GPCPD1: variants seen among roughly 807,000 people sequenced by gnomAD.
GPCPD1 encodes the protein glycerophosphocholine phosphodiesterase 1.
In GPCPD1, 29 loss-of-function variants were observed where a neutral mutation model predicts 89.2. The ratio of observed to expected loss-of-function variants is 0.33; its 90% CI spans 0.24 to 0.44. The LOEUF (loss-of-function observed/expected upper bound fraction) is 0.44, where lower values mean the gene tolerates loss of function less well. Among genes scored for constraint, GPCPD1 ranks in the 20% least tolerant of loss-of-function variants. GPCPD1 has a pLI of 1.00. For missense variants in GPCPD1, 594 were observed against 808.9 expected, an observed-to-expected ratio of 0.73 and a Z score of 3.22; for synonymous variants, 258 against 266.3, an observed-to-expected ratio of 0.97 and a Z score of 0.30.
chr20:5,596,208 G>A (rs138920873), intron 3 of GPCPD1, among the ~76,000 whole-genome samples: 2 of 152,146 alleles, frequency 1.3e-5, no homozygotes, highest in African/African-American at 4.8e-5. Flanking sequence ...AAACAGCCTA[G>A]GTCTCAACAC....
intron 1 of GPCPD1, among the ~76,000 whole-genome samples, chr20:5,609,405 T>A (rs1411628187): frequency 6.6e-6 from 1 of 152,258 alleles, no homozygotes; most frequent in Admixed American, 6.5e-5. Context: ...TCAAATATGT[T>A]AAGACGTTAA....
chr20:5,574,069 T>TGGG (rs921535219), intron 10 of GPCPD1, 100 bp from the exon 11 acceptor site: 1 of 740,564 alleles, frequency 1.4e-6, no homozygotes, highest in Admixed American at 2.4e-5. Context: ...AAATGGTACT[T>TGGG]ATTCTGTATT....
At chr20:5,610,434 G>A in intron 1 of GPCPD1, among the ~76,000 whole-genome samples, 1 of 152,032 alleles carries the variant, frequency 6.6e-6, no homozygotes, top group African/African-American at 2.4e-5. Context: ...CGGTGAGCCG[G>A]GGGCCGCTGT....
rs1171902702 is a variant in GPCPD1, at chr20:5,593,351, G to A, written c.207C>T (p.Phe69=). 6.3e-7 allele frequency: 1 copy of A among 1,578,986 alleles called. No homozygotes were observed. The highest frequency in any genetic ancestry group is 1.1e-5 in the South Asian group (1 of 90,330). The change falls in exon 4 of 20, where the codon TTC becomes TTT. Residue 69 remains phenylalanine, a synonymous_variant. Coordinates refer to ENST00000379019, the MANE Select transcript of GPCPD1 (RefSeq NM_019593.5). ...CCTTTGGTTCTAAAAAGTACCCTTTGAAGTAGCGATACTGAACTGATACTC... is the reference window on the plus strand; with the variant it reads ...CCTTTGGTTCTAAAAAGTACCCTTTAAAGTAGCGATACTGAACTGATACTC... ...SRGVSVQYRY[F]KGYFLEPKTI... is the part of the protein sequence containing the mutation.
At chr20:5,576,017 C>T in intron 8 of GPCPD1, 39 bp from the exon 9 acceptor site, 1 of 1,159,980 alleles carries the variant, frequency 8.6e-7, no homozygotes, top group Non-Finnish European at 1.3e-6. Flanking sequence ...AATTTTTAAA[C>T]TTCTACATTA....
In GPCPD1 at chr20:5,604,591, G is replaced by C. The variant is rs529437582; in HGVS notation, c.-28-151C>G. 2.9e-4 allele frequency among the ~76,000 whole-genome samples: 32 copies of C among 109,326 alleles called. No individual in the cohort carries two copies. The South Asian group carries it at 0.011, about 37-fold the overall frequency. 71.7% of individuals were successfully genotyped at this position (109,326 alleles called of 152,430 possible). ...TTATGGTGGGATTGTTTTTGTTTTT[G>C]TTTTAAAGTAACTTTAGTGCGGGGG... On this transcript the variant is annotated intron_variant, in intron 1 of 19. Coordinates refer to ENST00000379019, the MANE Select transcript of GPCPD1 (RefSeq NM_019593.5).
intron 19 of GPCPD1, among the ~76,000 whole-genome samples, chr20:5,557,268 A>G (rs1007964471): frequency 5.9e-5 from 9 of 152,214 alleles, no homozygotes; most frequent in African/African-American, 2.2e-4. Flanking sequence ...CTACTGTACT[A>G]AGAATAAACA....
Position 5,578,530 on chromosome 20 carries a change from G to A in GPCPD1, c.555C>T (p.Ser185=). 1 of 1,612,778 alleles carries A rather than the reference G, an allele frequency of 6.2e-7. No individual in the cohort carries two copies. The highest frequency in any genetic ancestry group is 8.5e-7 in the Non-Finnish European group (1 of 1,178,760). Residue 185 remains serine, a synonymous_variant, in exon 8 of 20, where the codon AGC becomes AGT. Transcript: ENST00000379019. ...SPTVLHKMSN[S]LEISLISDNE... ...TGTCGCTTATTAAGGATATCTCCAA[G>A]CTATTGGACATTTTGTGGAGTACAG...
At chr20:5,587,870 T>TAACC (rs1979037622) in intron 4 of GPCPD1, among the ~76,000 whole-genome samples, 1 of 152,194 alleles carries the variant, frequency 6.6e-6, no homozygotes, top group Non-Finnish European at 1.5e-5. Context: ...TCACTTAAAA[T>TAACC]AACCAGGCTA....
chr20:5,585,627 A>AC (rs1222051306), intron 5 of GPCPD1: 1 of 133,572 alleles, frequency 7.5e-6, no homozygotes, highest in Non-Finnish European at 1.6e-5. Flanking sequence ...AAAAAAAAAG[A>AC]CAAAAAAAAA....
intron 19 of GPCPD1, among the ~76,000 whole-genome samples, chr20:5,557,177 T>C (rs987503585): frequency 2.6e-5 from 4 of 152,172 alleles, no homozygotes; most frequent in African/African-American, 9.7e-5. Context: ...CTTCAGCTTT[T>C]CCTTTAGGTG....
intron 15 of GPCPD1, among the ~76,000 whole-genome samples, chr20:5,562,759 A>G (rs1277061875): frequency 6.6e-6 from 1 of 152,204 alleles, no homozygotes; most frequent in Non-Finnish European, 1.5e-5. Flanking sequence ...AGCTGCATGT[A>G]AAGTACAGCA....
At position 5,580,079 on chromosome 20, in the gene GPCPD1, T is replaced by C. The variant is rs1978351136; in HGVS notation, c.402A>G (p.Arg134=). 1 of 1,500,752 alleles carries C rather than the reference T, an allele frequency of 6.7e-7. No individual in the cohort carries two copies. The highest frequency in any genetic ancestry group is 9.3e-7 in the Non-Finnish European group (1 of 1,077,428). The allele number at this position is 1,500,752 out of a possible 1,614,324, so 93.0% of individuals were successfully genotyped here. A position where few individuals can be genotyped will look rare whatever the true frequency, so the allele number is the denominator to read the frequency against. ...GTTTTTCAGAATAATGCAAACGTAA[T>C]CTTATTTCAGTCTGACATGTCAGCC... ...SGWLTCQTEI[R]LRLHYSEKPP... The change falls in exon 7 of 20, where the codon AGA becomes AGG. Residue 134 remains arginine (R), a synonymous_variant. Transcript: ENST00000379019.
chr20:5,556,162 T>C (rs1276112679), intron 19 of GPCPD1, among the ~76,000 whole-genome samples: 2 of 152,212 alleles, frequency 1.3e-5, no homozygotes. Flanking sequence ...TACTGTGTTT[T>C]CTCAGACACA....
chr20:5,558,682 AC>A lies in GPCPD1; in HGVS notation c.1668+1del. The A allele has an allele frequency of 1.3e-6, 2 of 1,534,262 alleles. No individual in the cohort carries two copies. The highest frequency in any genetic ancestry group is 1.8e-6 in the Non-Finnish European group (2 of 1,129,060). ...AAAGATAAAAATTCAAACATAACTT[AC>A]CAGTAGATTTTCAAACTGTGCAAAG... On this transcript the variant is annotated splice_donor_variant, in intron 18 of 19. Coordinates refer to ENST00000379019, the MANE Select transcript of GPCPD1 (RefSeq NM_019593.5). LOFTEE classifies it high-confidence loss of function.
chr20:5,568,901 C>T (rs1252520151), intron 12 of GPCPD1, among the ~76,000 whole-genome samples: 1 of 152,046 alleles, frequency 6.6e-6, no homozygotes, highest in Non-Finnish European at 1.5e-5. Flanking sequence ...GAGCGAGACT[C>T]GGTCTCAAAT....
intron 15 of GPCPD1, among the ~76,000 whole-genome samples, chr20:5,564,672 C>CA (rs796815586): frequency 4.6e-5 from 7 of 152,068 alleles, no homozygotes; most frequent in African/African-American, 1.7e-4. Flanking sequence ...ACCATCTCTA[C>CA]AAAAAAATAA....
At position 5,560,037 on chromosome 20, in the gene GPCPD1, T is replaced by C. The variant is rs1986001282; in HGVS notation, c.1435A>G (p.Met479Val). 6.3e-7 allele frequency: 1 copy of C among 1,581,486 alleles called. No individual in the cohort carries two copies. The highest frequency in any genetic ancestry group is 8.6e-7 in the Non-Finnish European group (1 of 1,161,064). Residue 479 changes from methionine to valine, a missense_variant, in exon 17 of 20, where the codon ATG (methionine) becomes GTG (valine). Met to Val is a conservative substitution (Grantham distance 21). Coordinates refer to ENST00000379019, the MANE Select transcript of GPCPD1 (RefSeq NM_019593.5). ...AAAATTATATCCAAAAACAGATTCATGTCAAAATATGTTGATAAGTTACCA... is the reference window on the plus strand; with the variant it reads ...AAAATTATATCCAAAAACAGATTCACGTCAAAATATGTTGATAAGTTACCA... Reference protein sequence around the residue: ...WDGNLSTYFDMNLFLDIILKT... With the variant: ...WDGNLSTYFDVNLFLDIILKT...
chr20:5,584,799 G>A (rs137998754), intron 5 of GPCPD1: 294 of 152,982 alleles, frequency 1.9e-3, no homozygotes, highest in Middle Eastern at 6.8e-3. Context: ...TACGAACAGC[G>A]TGAACTTACC....
Sources: gnomAD v4.1 joint callset for allele counts (sites outside exome capture counted in the v4.1 genomes callset) on GRCh38, gnomAD v4.1.1 for gene constraint, MANE v1.5 for transcripts, NCBI Gene and HGNC (gene_info 2026-07-23, HGNC 2026-07-21) for gene names.